ATP2C1: variants seen among roughly 807,000 people sequenced by gnomAD.
The protein encoded by ATP2C1 is ATPase secretory pathway Ca2+ transporting 1, also known as calcium-transporting ATPase type 2C member 1.
A neutral mutation model predicts 120.5 loss-of-function variants in ATP2C1; 31 were observed. The observed-to-expected ratio is 0.26, with a 90% CI of 0.19 to 0.35. ATP2C1 has a LOEUF of 0.35. Ranked by LOEUF, ATP2C1 falls within the 10% of genes least tolerant of loss-of-function variation. The probability of loss-of-function intolerance (pLI) is 1.00; values close to 1 mark genes in which losing one functional copy is unlikely to be tolerated. For synonymous variants in ATP2C1, 351 were observed against 358.7 expected (o/e 0.98, Z 0.24); for missense variants, 731 against 1,107.5 (o/e 0.66, Z 4.83).
At chr3:130,950,772 A>T (rs1347098492) in intron 8 of ATP2C1, among the ~76,000 whole-genome samples, 5 of 152,104 alleles carry the variant, frequency 3.3e-5, no homozygotes, top group Non-Finnish European at 1.5e-5. Flanking sequence ...GTTCCACCAG[A>T]CAAGGGCTCT....
chr3:130,853,065 T>C (rs892942050), intron 1 of ATP2C1, among the ~76,000 whole-genome samples: 4 of 152,200 alleles, frequency 2.6e-5, no homozygotes, highest in Non-Finnish European at 5.9e-5. Context: ...TATGATTAAT[T>C]CCTCAATATT....
At chr3:130,855,722 G>C (rs2067817635) in intron 1 of ATP2C1, among the ~76,000 whole-genome samples, 1 of 152,204 alleles carries the variant, frequency 6.6e-6, no homozygotes, top group South Asian at 2.1e-4. Flanking sequence ...AATAGGTGAT[G>C]CCTGAGGGTC....
chr3:130,867,545 G>T (rs1473348308), intron 1 of ATP2C1, among the ~76,000 whole-genome samples: 1 of 149,076 alleles, frequency 6.7e-6, no homozygotes, highest in Admixed American at 6.7e-5. Flanking sequence ...GCCAGCCTCG[G>T]CCTCCCGAGG....
intron 24 of ATP2C1, 26 bp downstream of exon 24, chr3:130,996,822 T>G: frequency 6.9e-7 from 1 of 1,454,592 alleles, no homozygotes; most frequent in Non-Finnish European, 9.7e-7. Context: ...TTGCATGAGC[T>G]GGAAAGACAA....
intron 20 of ATP2C1, among the ~76,000 whole-genome samples, chr3:130,981,030 A>G (rs1198574881): frequency 6.6e-6 from 1 of 152,152 alleles, no homozygotes; most frequent in Non-Finnish European, 1.5e-5. Flanking sequence ...TAATTTTAGC[A>G]TGAGTATGTG....
chr3:130,958,461 A>G (rs2060675323), intron 11 of ATP2C1, among the ~76,000 whole-genome samples: 1 of 152,074 alleles, frequency 6.6e-6, no homozygotes, highest in Non-Finnish European at 1.5e-5. Flanking sequence ...TCATCATGAT[A>G]GTATTTGGGA....
chr3:130,969,463 C>A, intron 17 of ATP2C1, 67 bp downstream of exon 17: 1 of 1,264,130 alleles, frequency 7.9e-7, no homozygotes, highest in South Asian at 1.2e-5. Flanking sequence ...CATTTACTGT[C>A]CACCTTTGGG....
At chr3:131,007,423 C>T (rs1183527820), downstream of ATP2C1, among the ~76,000 whole-genome samples, 2 of 152,214 alleles carry the variant, frequency 1.3e-5, no homozygotes, top group East Asian at 1.9e-4. Context: ...AACTTCTTTT[C>T]ATATTTAACC....
intron 26 of ATP2C1, among the ~76,000 whole-genome samples, chr3:131,011,875 G>C (rs891330985): frequency 3.3e-5 from 5 of 152,070 alleles, no homozygotes; most frequent in Admixed American, 1.3e-4. Flanking sequence ...ATCATTTTTC[G>C]GTGAACCACC....
intron 1 of ATP2C1, among the ~76,000 whole-genome samples, chr3:130,859,490 G>A (rs1278243791): frequency 2.0e-5 from 3 of 152,174 alleles, no homozygotes; most frequent in Non-Finnish European, 4.4e-5. Flanking sequence ...ATTGATAAAT[G>A]GGGGTGCCAA....
Position 130,994,094 on chromosome 3 carries a change from A to C in ATP2C1, c.2053A>C (p.Ile685Leu). The C allele has an allele frequency of 6.2e-7, 1 of 1,614,138 alleles. No homozygotes were observed. Among genetic ancestry groups the C allele is most frequent in the Non-Finnish European group, 8.5e-7 (1 of 1,179,978 alleles). Residue 685 changes from isoleucine (I) to leucine (L), a missense_variant, in exon 22 of 28, where the codon ATA (isoleucine) becomes CTA (leucine). Physicochemically the swap from Ile to Leu is conservative, Grantham distance 5. Transcript: ENST00000510168. ...CCTAGTGGATGATGATTTTCAAACC[A>C]TAATGTAAGCTTTGTTTCAGTGAAT... ...MILVDDDFQTIMSAIEEGKGI... is the reference protein window; with the variant it reads ...MILVDDDFQTLMSAIEEGKGI...
chr3:130,994,648 CATTT>C (rs199539675), intron 22 of ATP2C1, among the ~76,000 whole-genome samples: 5 of 151,900 alleles, frequency 3.3e-5, no homozygotes, highest in Admixed American at 1.3e-4. Flanking sequence ...ATGTGAATCC[CATTT>C]ATTTATTTAT....
chr3:130,893,083 T>TTCCATAAC, upstream of ATP2C1, among the ~76,000 whole-genome samples: 1 of 152,302 alleles, frequency 6.6e-6, no homozygotes, highest in East Asian at 1.9e-4. Context: ...CCTCTAGTGG[T>TTCCATAAC]TATGGGTGTG....
At chr3:130,982,335 GT>G in intron 20 of ATP2C1, among the ~76,000 whole-genome samples, 1 of 152,232 alleles carries the variant, frequency 6.6e-6, no homozygotes, top group East Asian at 1.9e-4. Context: ...CAAATTATTT[GT>G]AGGAAGGAGG....
At chr3:130,989,088 T>TA (rs1357965409) in intron 20 of ATP2C1, among the ~76,000 whole-genome samples, 3 of 151,624 alleles carry the variant, frequency 2.0e-5, no homozygotes, top group African/African-American at 4.8e-5. Flanking sequence ...CCGTCTCTAC[T>TA]AAAAATACAA....
chr3:130,883,950 T>C (rs1005148589), intron 1 of ATP2C1, among the ~76,000 whole-genome samples: 2 of 149,034 alleles, frequency 1.3e-5, no homozygotes, highest in Non-Finnish European at 3.0e-5. Flanking sequence ...TTCTTCTTTT[T>C]TTTTTTTTTT....
chr3:130,956,800 A>G (rs1235972515), intron 11 of ATP2C1, among the ~76,000 whole-genome samples: 1 of 152,220 alleles, frequency 6.6e-6, no homozygotes, highest in Non-Finnish European at 1.5e-5. Flanking sequence ...TTCACAGTTC[A>G]TTATTAGGGA....
intron 26 of ATP2C1, chr3:131,014,342 T>C (rs2063483213): frequency 6.2e-7 from 1 of 1,611,994 alleles, no homozygotes; most frequent in South Asian, 1.1e-5. Flanking sequence ...AGGTCGATGC[T>C]AGCAGTTGCT....
At chr3:130,907,584 T>C (rs1307735963) in intron 2 of ATP2C1, among the ~76,000 whole-genome samples, 1 of 152,076 alleles carries the variant, frequency 6.6e-6, no homozygotes, top group Non-Finnish European at 1.5e-5. Flanking sequence ...CCAGAAATTA[T>C]GGGTTTATTT....
Sources: gnomAD v4.1 joint callset for allele counts (sites outside exome capture counted in the v4.1 genomes callset) on GRCh38, gnomAD v4.1.1 for gene constraint, MANE v1.5 for transcripts, NCBI Gene and HGNC (gene_info 2026-07-23, HGNC 2026-07-21) for gene names.